TDRD3: variants seen among roughly 807,000 people sequenced by gnomAD.
The protein encoded by TDRD3 is tudor domain containing 3.
TDRD3 carries 45 observed loss-of-function variants against 86.7 expected under a neutral mutation model. The observed-to-expected ratio is 0.52, with a 90% CI of 0.41 to 0.67. The LOEUF (loss-of-function observed/expected upper bound fraction) is 0.67, where lower values mean the gene tolerates loss of function less well. TDRD3 is among the 30% of genes least tolerant of loss of function. The pLI, the probability that TDRD3 is intolerant of heterozygous loss-of-function variation, is 0.00. For missense variants in TDRD3, 814 were observed against 889.0 expected (o/e 0.92, Z 1.07); for synonymous variants, 298 against 301.7 (o/e 0.99, Z 0.13).
In TDRD3 at chr13:60,487,269, G is replaced by A. The variant is rs1956461253; in HGVS notation, c.717+1321G>A. Among the ~76,000 whole-genome samples the A allele has an allele frequency of 2.0e-5, 3 of 152,276 alleles. No individual in the cohort carries two copies. The South Asian group carries it at 6.2e-4, about 32-fold the overall frequency. ...CCAGCACTGTGGGAGGCTGAGGCAGGTGTATCACCTGAGCCTGACCAACCT... is the reference window on the plus strand; with the variant it reads ...CCAGCACTGTGGGAGGCTGAGGCAGATGTATCACCTGAGCCTGACCAACCT... On this transcript the variant is annotated intron_variant, in intron 7 of 13. Coordinates refer to ENST00000377881, the MANE Select transcript of TDRD3 (RefSeq NM_001146070.2).
At chr13:60,481,526 T>G (rs1050278442) in intron 5 of TDRD3, among the ~76,000 whole-genome samples, 1 of 152,036 alleles carries the variant, frequency 6.6e-6, no homozygotes, top group African/African-American at 2.4e-5. Flanking sequence ...TGTCTTATTT[T>G]ATTTACTCTT....
chr13:60,483,721 G>T, intron 5 of TDRD3, 54 bp from the exon 6 acceptor site: 1 of 1,506,486 alleles, frequency 6.6e-7, no homozygotes, highest in Non-Finnish European at 9.1e-7. Flanking sequence ...TATAAATGCT[G>T]GAAATATATT....
chr13:60,500,278 A>C (rs1956804304), intron 8 of TDRD3, among the ~76,000 whole-genome samples: 1 of 152,138 alleles, frequency 6.6e-6, no homozygotes, highest in African/African-American at 2.4e-5. Context: ...GCAGCATTCC[A>C]TTATCAAATG....
intron 1 of TDRD3, among the ~76,000 whole-genome samples, chr13:60,410,060 G>C (rs1356513531): frequency 6.6e-6 from 1 of 152,124 alleles, no homozygotes; most frequent in Non-Finnish European, 1.5e-5. Context: ...GTTTATCAAG[G>C]GTTTCTGCTT....
intron 13 of TDRD3, among the ~76,000 whole-genome samples, chr13:60,570,426 G>GTGGAGA (rs1232731999): frequency 1.3e-5 from 2 of 152,198 alleles, no homozygotes; most frequent in African/African-American, 4.8e-5. Context: ...TAGCAAGGAT[G>GTGGAGA]TGGAGAAAGG....
chr13:60,465,790 A>T (rs1468842890), intron 4 of TDRD3, among the ~76,000 whole-genome samples: 1 of 152,118 alleles, frequency 6.6e-6, no homozygotes, highest in African/African-American at 2.4e-5. Flanking sequence ...AGGTTTTAAG[A>T]TGTGAACAAT....
At position 60,501,096 on chromosome 13, in the gene TDRD3, T is replaced by G. The variant is rs185422266; in HGVS notation, c.858+6521T>G. 3.9e-3 allele frequency among the ~76,000 whole-genome samples: 601 copies of G among 152,344 alleles called. 3 individuals are homozygous for G. Among genetic ancestry groups the G allele is most frequent in the Non-Finnish European group, 6.4e-3 (434 of 68,036 alleles). On this transcript the variant is annotated intron_variant, in intron 8 of 13. Coordinates refer to ENST00000377881, the MANE Select transcript of TDRD3 (RefSeq NM_001146070.2). ...GGCACGTTGATTATATTGCACATTT[T>G]CCATCATGGAAAGGGCAGAGGTTTG...
chr13:60,434,668 A>G (rs1376337172), intron 1 of TDRD3, among the ~76,000 whole-genome samples: 1 of 151,964 alleles, frequency 6.6e-6, no homozygotes, highest in Admixed American at 6.6e-5. Flanking sequence ...TATAATATTA[A>G]TGTCCAAAAT....
chr13:60,494,404 T>C (rs765032100), intron 7 of TDRD3, 31 bp from the exon 8 acceptor site: 1 of 1,591,126 alleles, frequency 6.3e-7, no homozygotes, highest in South Asian at 1.2e-5. Context: ...GCTGTCTACA[T>C]ACCTCTCTTT....
chr13:60,415,509 A>G (rs1211945628), intron 1 of TDRD3, among the ~76,000 whole-genome samples: 2 of 152,152 alleles, frequency 1.3e-5, no homozygotes, highest in Non-Finnish European at 2.9e-5. Context: ...ATAATAGGCA[A>G]ATGCCATTAT....
chr13:60,468,873 G>C (rs557259439), intron 5 of TDRD3, among the ~76,000 whole-genome samples: 1 of 152,082 alleles, frequency 6.6e-6, no homozygotes, highest in African/African-American at 2.4e-5. Context: ...ATTACTCCTC[G>C]AGCTGAAATG....
chr13:60,444,890 G>T (rs1000157907), intron 3 of TDRD3, 142 bp downstream of exon 3: 2 of 415,266 alleles, frequency 4.8e-6, no homozygotes, highest in African/African-American at 4.2e-5. Context: ...CATTGTTATG[G>T]TGACTTCCAT....
In TDRD3 at chr13:60,551,581, T is replaced by C. The variant is rs543096841; in HGVS notation, c.2119-15944T>C. Among the ~76,000 whole-genome samples the C allele has an allele frequency of 2.0e-5, 3 of 152,358 alleles. No individual in the cohort carries two copies. The South Asian group carries it at 6.2e-4, about 32-fold the overall frequency. On this transcript the variant is annotated intron_variant, in intron 12 of 13. Transcript: ENST00000377881. Reference sequence around the variant, plus strand: ...TAGGAAGTAAACCCAAACTGCTTCTTTGCACTACCCTTTTCTTTAGACTAA... The same window carrying C: ...TAGGAAGTAAACCCAAACTGCTTCTCTGCACTACCCTTTTCTTTAGACTAA...
At chr13:60,563,555 T>G (rs543537929) in intron 12 of TDRD3, among the ~76,000 whole-genome samples, 4 of 152,302 alleles carry the variant, frequency 2.6e-5, no homozygotes, top group African/African-American at 9.6e-5. Context: ...GGCTGTCCTG[T>G]GCATTGTAGG....
At chr13:60,462,337 C>G (rs1955820247) in intron 4 of TDRD3, among the ~76,000 whole-genome samples, 1 of 152,120 alleles carries the variant, frequency 6.6e-6, no homozygotes, top group South Asian at 2.1e-4. Context: ...CCCAATCTGC[C>G]CAGTGCTGTC....
chr13:60,470,006 A>G (rs572363796), intron 5 of TDRD3, among the ~76,000 whole-genome samples: 8 of 152,280 alleles, frequency 5.3e-5, no homozygotes, highest in African/African-American at 1.7e-4. Context: ...CATCTTCCCA[A>G]ACTTAAACTC....
intron 1 of TDRD3, among the ~76,000 whole-genome samples, chr13:60,434,884 C>T (rs951872361): frequency 6.6e-6 from 1 of 152,158 alleles, no homozygotes; most frequent in African/African-American, 2.4e-5. Context: ...GCCTGCTCCA[C>T]TTTTCAGTTG....
At chr13:60,515,035 G>A (rs945361254) in intron 10 of TDRD3, among the ~76,000 whole-genome samples, 1 of 152,186 alleles carries the variant, frequency 6.6e-6, no homozygotes, top group African/African-American at 2.4e-5. Flanking sequence ...TGTCTAGTGT[G>A]TGAGACAGAA....
chr13:60,415,156 A>G (rs1267163392), intron 1 of TDRD3, among the ~76,000 whole-genome samples: 2 of 152,064 alleles, frequency 1.3e-5, no homozygotes, highest in African/African-American at 4.8e-5. Context: ...TTGATGTTTT[A>G]TAACAGTGTT....
Sources: allele counts gnomAD v4.1 joint callset (sites outside exome capture counted in the v4.1 genomes callset), GRCh38; gene constraint gnomAD v4.1.1; transcripts MANE v1.5; gene names NCBI Gene and HGNC (gene_info 2026-07-23, HGNC 2026-07-21).